MAD1L1: variants seen among roughly 807,000 people sequenced by gnomAD.
The protein encoded by MAD1L1 is mitotic arrest deficient 1 like 1.
In MAD1L1, 95 loss-of-function variants were observed where a neutral mutation model predicts 96.9. The observed-to-expected ratio is 0.98, with a 90% CI of 0.83 to 1.16. MAD1L1 has a LOEUF of 1.16. Ranked by LOEUF, MAD1L1 falls within the 50% of genes most tolerant of loss-of-function variation. The probability of loss-of-function intolerance (pLI) is 0.00; values close to 1 mark genes in which losing one functional copy is unlikely to be tolerated. For synonymous variants in MAD1L1, 473 were observed against 396.6 expected (o/e 1.19, Z -2.29); for missense variants, 1,007 against 954.4 (o/e 1.06, Z -0.73).
Position 2,083,534 on chromosome 7 carries a change from C to T in MAD1L1, c.1074-14196G>A, listed in dbSNP as rs539230075. Among the ~76,000 whole-genome samples the T allele has an allele frequency of 1.2e-4, 19 of 152,320 alleles. No homozygotes were observed. The South Asian group carries it at 3.1e-3, about 25-fold the overall frequency. Reference sequence around the variant, plus strand: ...CTCAGCACTCGGGCAGGTAAATCAGCGGAGAGGCCTCCAAGGTGGGTCAGT... The same window carrying T: ...CTCAGCACTCGGGCAGGTAAATCAGTGGAGAGGCCTCCAAGGTGGGTCAGT... On this transcript the variant is annotated intron_variant, in intron 11 of 18. Transcript: ENST00000265854.
chr7:2,037,990 C>T (rs1384117041), intron 12 of MAD1L1, among the ~76,000 whole-genome samples: 4 of 152,144 alleles, frequency 2.6e-5, no homozygotes, highest in East Asian at 1.9e-4. Flanking sequence ...CCAAACAGCT[C>T]GCCAAGTTGT....
intron 18 of MAD1L1, among the ~76,000 whole-genome samples, chr7:1,888,892 G>A (rs573671439): frequency 1.3e-5 from 2 of 152,342 alleles, no homozygotes; most frequent in South Asian, 4.1e-4. Flanking sequence ...CCTAGGACAC[G>A]AGAGGTCGAC....
chr7:1,823,521 G>C (rs1782234831), intron 18 of MAD1L1, among the ~76,000 whole-genome samples: 1 of 152,152 alleles, frequency 6.6e-6, no homozygotes, highest in Non-Finnish European at 1.5e-5. Flanking sequence ...ACGGCCACAG[G>C]GGACCCTGGC....
intron 13 of MAD1L1, among the ~76,000 whole-genome samples, chr7:2,008,052 G>A (rs1782115661): frequency 6.6e-6 from 1 of 152,224 alleles, no homozygotes; most frequent in Admixed American, 6.5e-5. Context: ...CTACGAGCCA[G>A]GGGTGGCAGG....
intron 18 of MAD1L1, among the ~76,000 whole-genome samples, chr7:1,869,450 C>G (rs10950410): frequency 0.68 from 103,589 of 152,024 alleles, 36,209 homozygotes; most frequent in African/African-American, 0.84. Context: ...TTGGGCACAG[C>G]GATGGCCTGC....
intron 11 of MAD1L1, among the ~76,000 whole-genome samples, chr7:2,077,125 G>A (rs985907330): frequency 2.0e-5 from 3 of 151,860 alleles, no homozygotes; most frequent in Non-Finnish European, 2.9e-5. Flanking sequence ...AGATGGTTAC[G>A]ACATGGTGAG....
chr7:1,945,646 C>T (rs1326409089), intron 16 of MAD1L1, among the ~76,000 whole-genome samples: 1 of 152,196 alleles, frequency 6.6e-6, no homozygotes, highest in African/African-American at 2.4e-5. Context: ...GTGCCGGGCC[C>T]GGCCAGTGCT....
chr7:1,949,613 T>TCCACCTC (rs1010663009), intron 16 of MAD1L1, among the ~76,000 whole-genome samples: 3 of 152,170 alleles, frequency 2.0e-5, no homozygotes, highest in African/African-American at 7.2e-5. Context: ...GCAGCCACTT[T>TCCACCTC]CCACCTCCCC....
intron 17 of MAD1L1, among the ~76,000 whole-genome samples, chr7:1,905,521 G>C (rs534962327): frequency 1.3e-5 from 2 of 151,918 alleles, no homozygotes; most frequent in East Asian, 3.9e-4. Context: ...CAGGCAGCGA[G>C]GACACAGTGG....
intron 15 of MAD1L1, among the ~76,000 whole-genome samples, chr7:1,960,906 T>C (rs1779926123): frequency 6.6e-6 from 1 of 152,224 alleles, no homozygotes. Flanking sequence ...GAAGGCTCAG[T>C]CTATTTAGGA....
chr7:1,970,983 C>G (rs1780378547), intron 15 of MAD1L1, among the ~76,000 whole-genome samples: 1 of 152,190 alleles, frequency 6.6e-6, no homozygotes, highest in African/African-American at 2.4e-5. Context: ...TGCGCTAATA[C>G]AGTAGATATC....
At chr7:2,073,858 A>G (rs1398761297) in intron 11 of MAD1L1, among the ~76,000 whole-genome samples, 1 of 152,180 alleles carries the variant, frequency 6.6e-6, no homozygotes, top group African/African-American at 2.4e-5. Context: ...TTCCCGGCTG[A>G]GGGACGGCGT....
intron 7 of MAD1L1, among the ~76,000 whole-genome samples, chr7:2,217,255 G>A (rs1434453916): frequency 6.6e-6 from 1 of 152,236 alleles, no homozygotes; most frequent in African/African-American, 2.4e-5. Context: ...TGAACAGGCA[G>A]AGTATGAAAC....
At chr7:2,209,888 CAA>C (rs2114978444) in intron 10 of MAD1L1, 1 of 152,504 alleles carries the variant, frequency 6.6e-6, no homozygotes, top group East Asian at 1.9e-4. Context: ...TGTCTCCACA[CAA>C]GAACAGCAAA....
chr7:1,844,445 C>T (rs950035283), intron 18 of MAD1L1, among the ~76,000 whole-genome samples: 1 of 152,094 alleles, frequency 6.6e-6, no homozygotes, highest in Non-Finnish European at 1.5e-5. Context: ...CCCTGACACG[C>T]GAGGTGTGGG....
At chr7:1,837,132 A>G (rs6948403) in intron 18 of MAD1L1, among the ~76,000 whole-genome samples, 65,658 of 152,066 alleles carry the variant, frequency 0.43, 14,560 homozygotes, top group African/African-American at 0.51. Context: ...GAAACATAGA[A>G]CCCCATAAAT....
intron 13 of MAD1L1, 33 bp from the exon 14 acceptor site, chr7:2,002,154 G>A (rs757906354): frequency 1.2e-6 from 2 of 1,604,576 alleles, no homozygotes; most frequent in South Asian, 1.1e-5. Flanking sequence ...GCCTGAGACT[G>A]TGGTGGGCCA....
intron 11 of MAD1L1, among the ~76,000 whole-genome samples, chr7:2,113,983 C>A (rs1026930735): frequency 6.6e-6 from 1 of 152,140 alleles, no homozygotes; most frequent in Admixed American, 6.5e-5. Flanking sequence ...GGATCCCAGG[C>A]CAGATCCTGG....
chr7:2,144,669 A>T lies in MAD1L1; in HGVS notation c.1073+4483T>A, dbSNP rs1483350194. On this transcript the variant is annotated intron_variant, in intron 11 of 18. Transcript: ENST00000265854. Reference sequence around the variant, plus strand: ...GCTTGGGTCCCTAAGGGCCAAGGAGACTAAGAGGGCCCGGAAAGGGAAGGG... The same window carrying T: ...GCTTGGGTCCCTAAGGGCCAAGGAGTCTAAGAGGGCCCGGAAAGGGAAGGG... Among the ~76,000 whole-genome samples the T allele has an allele frequency of 2.6e-5, 4 of 151,988 alleles. No individual in the cohort carries two copies. The East Asian group carries it at 7.8e-4, about 30-fold the overall frequency.
Sources: allele counts gnomAD v4.1 joint callset (sites outside exome capture counted in the v4.1 genomes callset), GRCh38; gene constraint gnomAD v4.1.1; transcripts MANE v1.5; gene names NCBI Gene and HGNC (gene_info 2026-07-23, HGNC 2026-07-21).